TTC27: variants seen among roughly 807,000 people sequenced by gnomAD.
TTC27 encodes tetratricopeptide repeat protein 27.
A neutral mutation model predicts 115.9 loss-of-function variants in TTC27; 79 were observed. That is an observed-to-expected ratio of 0.68 (90% CI 0.57 to 0.82). TTC27 has a LOEUF of 0.82. TTC27 is among the 40% of genes least tolerant of loss of function. TTC27 has a pLI of 0.00. For synonymous variants in TTC27, 401 were observed against 356.0 expected, an observed-to-expected ratio of 1.13 and a Z score of -1.42; for missense variants, 1,054 against 993.1, an observed-to-expected ratio of 1.06 and a Z score of -0.82.
At chr2:32,654,368 T>C (rs1168169225) in intron 5 of TTC27, among the ~76,000 whole-genome samples, 1 of 152,190 alleles carries the variant, frequency 6.6e-6, no homozygotes, top group Non-Finnish European at 1.5e-5. Context: ...AAAGATGGTA[T>C]AGTAGTGGAT....
At position 32,628,325 on chromosome 2, in the gene TTC27, A is replaced by ATTCCCCACTGAGGCTGAGCGGC; in HGVS notation, c.34_55dup (p.Gln19LeufsTer4). 6.2e-7 allele frequency: 1 copy of ATTCCCCACTGAGGCTGAGCGGC among 1,607,558 alleles called. No homozygotes were observed. Among genetic ancestry groups the ATTCCCCACTGAGGCTGAGCGGC allele is most frequent in the East Asian group, 2.2e-5 (1 of 44,504 alleles). The stretch of plus-strand genomic sequence containing the variant: ...CCCCGGAGCTGGCAATTCTGAGGGG[A>ATTCCCCACTGAGGCTGAGCGGC]TTCCCCACTGAGGCTGAGCGGCAGC... On this transcript the variant is annotated frameshift_variant, in exon 1 of 20. Transcript: ENST00000317907. LOFTEE classifies it high-confidence loss of function.
chr2:32,807,706 G>A (rs921716241), intron 16 of TTC27, among the ~76,000 whole-genome samples: 4 of 152,006 alleles, frequency 2.6e-5, no homozygotes, highest in African/African-American at 9.7e-5. Flanking sequence ...TAAGCCTCTT[G>A]TCTGAAATCA....
chr2:32,811,486 C>T (rs1671314975), intron 17 of TTC27, among the ~76,000 whole-genome samples: 1 of 152,096 alleles, frequency 6.6e-6, no homozygotes, highest in East Asian at 1.9e-4. Context: ...AATGGCCACC[C>T]CTACTAAATC....
In TTC27 at chr2:32,678,066, G is replaced by A. The variant is rs531188685; in HGVS notation, c.1053-790G>A. Reference sequence around the variant, plus strand: ...AGCCCAGGAGTTCAAGACCAGCCTGGACAACACAGTGAAACTCCATTTCTA... The same window carrying A: ...AGCCCAGGAGTTCAAGACCAGCCTGAACAACACAGTGAAACTCCATTTCTA... On this transcript the variant is annotated intron_variant, in intron 8 of 19. Transcript: ENST00000317907. Among the ~76,000 whole-genome samples, 4 of 152,128 alleles carry A rather than the reference G, an allele frequency of 2.6e-5. No homozygotes were observed. The East Asian group carries it at 7.7e-4, about 29-fold the overall frequency.
chr2:32,810,912 A>T, intron 16 of TTC27, 112 bp from the exon 17 acceptor site: 1 of 1,207,704 alleles, frequency 8.3e-7, no homozygotes, highest in South Asian at 1.4e-5. Context: ...ACTCTTAACA[A>T]GTTTCATAAG....
At chr2:32,809,722 CT>C (rs1671252165) in intron 16 of TTC27, among the ~76,000 whole-genome samples, 1 of 152,170 alleles carries the variant, frequency 6.6e-6, no homozygotes, top group Admixed American at 6.5e-5. Flanking sequence ...ACAGATGTGC[CT>C]TTTTATAATA....
chr2:32,634,130 A>G (rs1276697247), intron 3 of TTC27, 125 bp downstream of exon 3: 1 of 1,119,044 alleles, frequency 8.9e-7, no homozygotes, highest in Non-Finnish European at 1.2e-6. Context: ...CAAAAGTACT[A>G]AGAATGCTTG....
chr2:32,779,655 G>T (rs1345070134), intron 14 of TTC27, among the ~76,000 whole-genome samples: 4 of 151,806 alleles, frequency 2.6e-5, no homozygotes, highest in African/African-American at 9.7e-5. Flanking sequence ...TCTTGATGAG[G>T]TCCAACTTAC....
chr2:32,812,352 C>T (rs1671343065), intron 17 of TTC27, 152 bp from the exon 18 acceptor site: 2 of 525,940 alleles, frequency 3.8e-6, no homozygotes, highest in African/African-American at 2.0e-5. Context: ...TGCATTTCCA[C>T]CCCTTCTTTG....
At chr2:32,701,821 A>T (rs541465612) in intron 9 of TTC27, among the ~76,000 whole-genome samples, 1 of 152,236 alleles carries the variant, frequency 6.6e-6, no homozygotes, top group East Asian at 1.9e-4. Flanking sequence ...CCTGGGCAAC[A>T]TAGCGAGATC....
rs35073527 is a variant in TTC27 at position 32,629,763 on chromosome 2, G to C, written c.89-760G>C. On this transcript the variant is annotated intron_variant, in intron 1 of 19. Coordinates refer to ENST00000317907, the MANE Select transcript of TTC27 (RefSeq NM_017735.5). Reference sequence around the variant, plus strand: ...CTAGGAGGCAAAGATTAATTCTTGTGAGCAATGAATATTTACCAGAGAGAT... The same window carrying C: ...CTAGGAGGCAAAGATTAATTCTTGTCAGCAATGAATATTTACCAGAGAGAT... Among the ~76,000 whole-genome samples the C allele has an allele frequency of 6.6e-3, 1,001 of 152,288 alleles. 3 individuals are homozygous for C. The highest frequency in any genetic ancestry group is 0.011 in the Non-Finnish European group (740 of 68,024).
intron 9 of TTC27, among the ~76,000 whole-genome samples, chr2:32,688,981 T>C (rs1470915189): frequency 6.6e-6 from 1 of 152,080 alleles, no homozygotes; most frequent in African/African-American, 2.4e-5. Flanking sequence ...TCAAAACAAA[T>C]GAGTGATAAA....
chr2:32,811,337 T>C (rs917309204), intron 17 of TTC27, 116 bp downstream of exon 17: 8 of 971,050 alleles, frequency 8.2e-6, no homozygotes, highest in Non-Finnish European at 1.2e-5. Context: ...ATTAGTATGC[T>C]TAAGTTCAGT....
At chr2:32,783,703 A>G (rs1325703171) in intron 15 of TTC27, among the ~76,000 whole-genome samples, 1 of 152,244 alleles carries the variant, frequency 6.6e-6, no homozygotes, top group African/African-American at 2.4e-5. Context: ...TGAGATAACT[A>G]GAGTGGAAAA....
At chr2:32,705,146 A>G in intron 10 of TTC27, 1 of 252,250 alleles carries the variant, frequency 4.0e-6, no homozygotes, top group South Asian at 4.4e-5. Flanking sequence ...GTAATAAGTG[A>G]CTTGTCCCTC....
intron 5 of TTC27, among the ~76,000 whole-genome samples, chr2:32,664,044 G>GA (rs2151879047): frequency 6.6e-6 from 1 of 151,878 alleles, no homozygotes; most frequent in Admixed American, 6.6e-5. Context: ...GCAAGGTTAT[G>GA]AATCATATCT....
At chr2:32,769,302 ATG>A (rs1669747579) in intron 13 of TTC27, among the ~76,000 whole-genome samples, 1 of 152,226 alleles carries the variant, frequency 6.6e-6, no homozygotes, top group African/African-American at 2.4e-5. Flanking sequence ...GTTATGTCAC[ATG>A]TAGTGATAAA....
intron 16 of TTC27, among the ~76,000 whole-genome samples, chr2:32,801,411 A>T (rs1423078861): frequency 2.0e-5 from 3 of 152,012 alleles, no homozygotes; most frequent in African/African-American, 7.3e-5. Context: ...TGGCACCCTA[A>T]CTCCAATCAC....
At chr2:32,679,484 A>G (rs1463021504) in intron 9 of TTC27, among the ~76,000 whole-genome samples, 1 of 152,222 alleles carries the variant, frequency 6.6e-6, no homozygotes, top group Non-Finnish European at 1.5e-5. Context: ...AAGAAGAGAA[A>G]AGTCACAGAC....
Sources: gnomAD v4.1 joint callset for allele counts (sites outside exome capture counted in the v4.1 genomes callset) on GRCh38, gnomAD v4.1.1 for gene constraint, MANE v1.5 for transcripts, NCBI Gene and HGNC (gene_info 2026-07-23, HGNC 2026-07-21) for gene names.